Variants in TSLP observed in about 807,000 individuals in gnomAD.
The protein encoded by TSLP is thymic stromal lymphopoietin.
In TSLP, 12 loss-of-function variants were observed where a neutral mutation model predicts 12.4. The ratio of observed to expected loss-of-function variants is 0.97; its 90% CI spans 0.62 to 1.57. The LOEUF (loss-of-function observed/expected upper bound fraction) is 1.57. Among genes scored for constraint, TSLP ranks in the 40% most tolerant of loss-of-function variants. The probability of loss-of-function intolerance (pLI) is 0.00; values close to 1 mark genes in which losing one functional copy is unlikely to be tolerated. For missense variants in TSLP, 222 were observed against 189.6 expected, an observed-to-expected ratio of 1.17 and a Z score of -1.00; for synonymous variants, 97 against 69.5, an observed-to-expected ratio of 1.40 and a Z score of -1.97.
chr5:111,073,308 T>C, intron 2 of TSLP: 1 of 1,425,664 alleles, frequency 7.0e-7, no homozygotes, highest in South Asian at 1.6e-5. Context: ...ACGAGTGCCC[T>C]CCGCCACCCT....
chr5:111,076,215 G>A lies in TSLP; in HGVS notation c.*141G>A. 2.9e-6 allele frequency: 3 copies of A among 1,035,722 alleles called. No homozygotes were observed. Among genetic ancestry groups the A allele is most frequent in the Non-Finnish European group, 4.2e-6 (3 of 706,326 alleles). The allele number at this position is 1,035,722 out of a possible 1,614,324, so 64.2% of individuals were successfully genotyped here. On this transcript the variant is annotated 3_prime_UTR_variant, in exon 4 of 4. Coordinates refer to ENST00000344895, the MANE Select transcript of TSLP (RefSeq NM_033035.5). ...CAGAAGAGTTTCTTAACTTACTTTT[G>A]TAAGTTTTTATTGTGTAAGTTTATA...
chr5:111,071,460 G>C (rs137996521), upstream of TSLP: 9 of 1,533,638 alleles, frequency 5.9e-6, no homozygotes, highest in African/African-American at 1.3e-4. Context: ...ACTGGTATCC[G>C]TTTCTTAAAG....
rs1752516606 is a variant in TSLP at position 111,076,707 on chromosome 5, AATTT to A, written c.*638_*641del. 1 of 152,156 alleles carries A rather than the reference AATTT, an allele frequency of 6.6e-6. No individual in the cohort carries two copies. Among genetic ancestry groups the A allele is most frequent in the Non-Finnish European group, 1.5e-5 (1 of 68,012 alleles). The allele number at this position is 152,156 out of a possible 1,614,324, so 9.4% of individuals were successfully genotyped here. A position where few individuals can be genotyped will look rare whatever the true frequency, so the allele number is the denominator to read the frequency against. On this transcript the variant is annotated 3_prime_UTR_variant, in exon 4 of 4. Coordinates refer to ENST00000344895, the MANE Select transcript of TSLP (RefSeq NM_033035.5). ...ACATATAAATTATAGAATCTACTTT[AATTT>A]ATTTTGTGAACACTTTTGAAAATGT...
upstream of TSLP, chr5:111,071,522 G>T: frequency 6.5e-7 from 1 of 1,548,478 alleles, no homozygotes; most frequent in Non-Finnish European, 8.7e-7. Context: ...AGGAAGGTGA[G>T]GGAAATTCCT....
rs938349312 is a variant in TSLP at position 111,077,135 on chromosome 5, C to T, written c.*1061C>T. 9 of 152,240 alleles carry T rather than the reference C, an allele frequency of 5.9e-5. No individual in the cohort carries two copies. Among genetic ancestry groups the T allele is most frequent in the Admixed American group, 3.3e-4 (5 of 15,284 alleles). 9.4% of individuals were successfully genotyped at this position (152,240 alleles called of 1,614,324 possible). Reference sequence around the variant, plus strand: ...CAAGCTAGAGCCGCAGGCACCCTCTCACTCAATTTCCACTCAGAACCCTAT... The same window carrying T: ...CAAGCTAGAGCCGCAGGCACCCTCTTACTCAATTTCCACTCAGAACCCTAT... On this transcript the variant is annotated 3_prime_UTR_variant, in exon 4 of 4. Coordinates refer to ENST00000344895, the MANE Select transcript of TSLP (RefSeq NM_033035.5).
chr5:111,073,506 A>G lies in TSLP; in HGVS notation c.217-5A>G. On this transcript the variant is annotated splice_polypyrimidine_tract_variant and splice_region_variant and intron_variant, in intron 2 of 3. Transcript: ENST00000344895. ...TTTCTCGTAAACTTTGCCGCCTATG[A>G]GCAGCCACATTGCCTTACTGAAATC... is the stretch of plus-strand genomic sequence containing the variant. The G allele has an allele frequency of 6.2e-7, 1 of 1,613,992 alleles. No homozygotes were observed. The highest frequency in any genetic ancestry group is 8.5e-7 in the Non-Finnish European group (1 of 1,180,012).
At chr5:111,071,325 A>G, upstream of TSLP, 1 of 944,466 alleles carries the variant, frequency 1.1e-6, no homozygotes, top group Non-Finnish European at 1.5e-6. Flanking sequence ...GGAAATGCTC[A>G]AAGATGTTCA....
intron 3 of TSLP, among the ~76,000 whole-genome samples, chr5:111,075,203 T>A (rs1376018794): frequency 6.6e-6 from 1 of 152,232 alleles, no homozygotes; most frequent in Non-Finnish European, 1.5e-5. Context: ...CTAAGACTAA[T>A]AATAATGATT....
upstream of TSLP, chr5:111,071,552 A>G (rs144738724): frequency 5.9e-6 from 9 of 1,536,566 alleles, no homozygotes; most frequent in African/African-American, 9.7e-5. Flanking sequence ...ACTGATGTTA[A>G]AATTCCATAG....
chr5:111,076,069 C>A lies in TSLP; in HGVS notation c.475C>A (p.Gln159Lys). The A allele has an allele frequency of 2.5e-6, 4 of 1,613,852 alleles. No homozygotes were observed. Among genetic ancestry groups the A allele is most frequent in the Non-Finnish European group, 3.4e-6 (4 of 1,179,930 alleles). The change falls in exon 4 of 4, where the codon CAG (glutamine) becomes AAG (lysine). Residue 159 changes from glutamine (Q) to lysine (K), a missense_variant. Transcript: ENST00000344895. ...RRFNRPLLKQ[Q>K] The stretch of plus-strand genomic sequence containing the variant: ...CTTCAATCGACCTTTACTGAAACAA[C>A]AGTAAACCATCTTTATTATGGTCAT...
At chr5:111,072,765 A>G (rs1752376325) in intron 1 of TSLP, 123 bp from the exon 2 acceptor site, 7 of 945,842 alleles carry the variant, frequency 7.4e-6, no homozygotes, top group Middle Eastern at 2.1e-4. Flanking sequence ...CATAGGAAAA[A>G]GGTACCTGAG....
upstream of TSLP, chr5:111,071,121 G>A (rs1752328675): frequency 8.2e-6 from 2 of 243,858 alleles, no homozygotes; most frequent in East Asian, 8.0e-5. Flanking sequence ...AGCCACATCA[G>A]ATCTTTCCCC....
intron 3 of TSLP, 81 bp downstream of exon 3, chr5:111,073,726 T>A: frequency 6.1e-6 from 9 of 1,466,806 alleles, no homozygotes; most frequent in Non-Finnish European, 8.4e-6. Context: ...GAAGTCGTTC[T>A]CTTATTTTTA....
At chr5:111,071,609 A>G (rs762453541), upstream of TSLP, 1,001 of 1,486,598 alleles carry the variant, frequency 6.7e-4, 3 homozygotes, top group Non-Finnish European at 7.6e-4. Context: ...TCAATTCAGA[A>G]TTCTATAAAG....
In TSLP at chr5:111,073,635, C is replaced by T; in HGVS notation, c.341C>T (p.Ser114Leu). 6.2e-7 allele frequency: 1 copy of T among 1,614,182 alleles called. No individual in the cohort carries two copies. Among genetic ancestry groups the T allele is most frequent in the Non-Finnish European group, 8.5e-7 (1 of 1,180,026 alleles). The change falls in exon 3 of 4, where the codon TCG becomes TTG. Residue 114 changes from serine to leucine, a missense_variant. Ser to Leu is a moderately radical substitution (Grantham distance 145, BLOSUM62 -2). Coordinates refer to ENST00000344895, the MANE Select transcript of TSLP (RefSeq NM_033035.5). ...TTAGCTATCTGGTGCCCAGGCTATT[C>T]GGAAACTCAGGTAAGCCCGAAGCCT... ...AALAIWCPGY[S>L]ETQINATQAM... is the part of the protein sequence containing the mutation.
chr5:111,070,833 G>A, upstream of TSLP: 1 of 152,342 alleles, frequency 6.6e-6, no homozygotes. Flanking sequence ...TAAAGCGTGC[G>A]CCGCCTCCGG....
rs200322626 is a variant in TSLP, at chr5:111,071,922, C to T, written c.32C>T (p.Ser11Leu). Reference protein sequence around the residue: MFPFALLYVLSVSFRKIFILQ... With the variant: MFPFALLYVLLVSFRKIFILQ... ...CCTTTTGCCTTACTATATGTTCTGT[C>T]AGTTTCTTTCAGGAAAATCTTCATC... is the stretch of plus-strand genomic sequence containing the variant. Residue 11 changes from serine to leucine, a missense_variant, in exon 1 of 4, where the codon TCA (serine) becomes TTA (leucine). By Grantham distance (145) the Ser-to-Leu change is moderately radical. Coordinates refer to ENST00000344895, the MANE Select transcript of TSLP (RefSeq NM_033035.5). 4 of 1,614,180 alleles carry T rather than the reference C, an allele frequency of 2.5e-6. No homozygotes were observed. Among genetic ancestry groups the T allele is most frequent in the Non-Finnish European group, 3.4e-6 (4 of 1,180,034 alleles).
intron 1 of TSLP, 52 bp from the exon 2 acceptor site, chr5:111,072,836 C>T: frequency 1.9e-6 from 3 of 1,589,602 alleles, no homozygotes; most frequent in Non-Finnish European, 2.6e-6. Flanking sequence ...GATGATTTTC[C>T]TTGTGGACTT....
chr5:111,074,475 C>T (rs1013768445), intron 3 of TSLP, among the ~76,000 whole-genome samples: 1 of 152,062 alleles, frequency 6.6e-6, no homozygotes, highest in African/African-American at 2.4e-5. Context: ...AACAGGCACT[C>T]AATATTTATT....
Sources: allele counts gnomAD v4.1 joint callset (sites outside exome capture counted in the v4.1 genomes callset), GRCh38; gene constraint gnomAD v4.1.1; transcripts MANE v1.5; gene names NCBI Gene and HGNC (gene_info 2026-07-23, HGNC 2026-07-21).